BCAR1: variants seen among roughly 807,000 people sequenced by gnomAD.
BCAR1 encodes the protein BCAR1 scaffold protein, Cas family member.
A neutral mutation model predicts 67.6 loss-of-function variants in BCAR1; 30 were observed. The observed-to-expected ratio is 0.44, with a 90% CI of 0.33 to 0.60. The LOEUF (loss-of-function observed/expected upper bound fraction) is 0.60. Among genes scored for constraint, BCAR1 ranks in the 20% least tolerant of loss-of-function variants. BCAR1 has a pLI of 0.02. For synonymous variants in BCAR1, 626 were observed against 556.7 expected (o/e 1.12, Z -1.75); for missense variants, 1,313 against 1,222.3 (o/e 1.07, Z -1.11).
At chr16:75,258,636 A>G (rs1422438978) in intron 1 of BCAR1, among the ~76,000 whole-genome samples, 1 of 152,214 alleles carries the variant, frequency 6.6e-6, no homozygotes, top group Non-Finnish European at 1.5e-5. Context: ...GTGACATTTG[A>G]GCAGATGTGT....
chr16:75,265,624 G>C (rs527669479), intron 1 of BCAR1, among the ~76,000 whole-genome samples: 1 of 152,148 alleles, frequency 6.6e-6, no homozygotes, highest in African/African-American at 2.4e-5. Flanking sequence ...TCTCCTGAAA[G>C]AGGATGGAAA....
chr16:75,229,342 A>G lies in BCAR1; in HGVS notation c.*169T>C. 1 of 1,146,794 alleles carries G rather than the reference A, an allele frequency of 8.7e-7. No individual in the cohort carries two copies. Among genetic ancestry groups the G allele is most frequent in the Non-Finnish European group, 1.2e-6 (1 of 846,712 alleles). 71.0% of individuals were successfully genotyped at this position (1,146,794 alleles called of 1,614,324 possible). Reference sequence around the variant, plus strand: ...GGCTCCTGAGGAGGCATGGCCCCACACCCTGCCCGGCCATAAATATATACA... The same window carrying G: ...GGCTCCTGAGGAGGCATGGCCCCACGCCCTGCCCGGCCATAAATATATACA... On this transcript the variant is annotated 3_prime_UTR_variant, in exon 7 of 7. Coordinates refer to ENST00000162330, the MANE Select transcript of BCAR1 (RefSeq NM_014567.5).
chr16:75,229,278 T>G lies in BCAR1; in HGVS notation c.*233A>C, dbSNP rs2076809583. On this transcript the variant is annotated 3_prime_UTR_variant, in exon 7 of 7. Coordinates refer to ENST00000162330, the MANE Select transcript of BCAR1 (RefSeq NM_014567.5). ...CTGGTGACCCAACCCGGGCCCGTGG[T>G]GCATGCTGGGGAAGGCCACTGGCCG... is the stretch of plus-strand genomic sequence containing the variant. 1.3e-5 allele frequency: 8 copies of G among 615,578 alleles called. No individual in the cohort carries two copies. The highest frequency in any genetic ancestry group is 8.9e-4 in the Middle Eastern group (2 of 2,252). The allele number at this position is 615,578 out of a possible 1,614,324, so 38.1% of individuals were successfully genotyped here.
At chr16:75,255,336 C>G (rs1471907266), upstream of BCAR1, among the ~76,000 whole-genome samples, 1 of 152,112 alleles carries the variant, frequency 6.6e-6, no homozygotes, top group Non-Finnish European at 1.5e-5. Flanking sequence ...CGGAGGTGAG[C>G]ACTGCCAGCC....
chr16:75,255,697 A>C (rs1048464392), upstream of BCAR1, among the ~76,000 whole-genome samples: 1 of 151,468 alleles, frequency 6.6e-6, no homozygotes, highest in Non-Finnish European at 1.5e-5. Flanking sequence ...TCTCAAAAAA[A>C]AAAACAAAAA....
chr16:75,261,704 G>A (rs975100940), intron 1 of BCAR1, among the ~76,000 whole-genome samples: 1 of 152,166 alleles, frequency 6.6e-6, no homozygotes. Flanking sequence ...GGCCATGCCC[G>A]GGCAGGGGAG....
chr16:75,248,444 C>A, intron 1 of BCAR1: 1 of 932,136 alleles, frequency 1.1e-6, no homozygotes, highest in Non-Finnish European at 1.4e-6. Flanking sequence ...TAAGCATGCG[C>A]CCAACTGGCC....
chr16:75,238,689 C>G (rs1405079275), intron 2 of BCAR1: 1 of 985,678 alleles, frequency 1.0e-6, no homozygotes, highest in African/African-American at 1.7e-5. Flanking sequence ...TCCCCGCCCC[C>G]TTCCAGTGCG....
In BCAR1 at chr16:75,235,481, G is replaced by C. The variant is rs772700360; in HGVS notation, c.1418C>G (p.Thr473Ser). ...LARLQQGVSA[T>S]VAHLLDLAGS... ...TGCCAGGTCCAGAAGGTGGGCAACG[G>C]TGGCGCTCACACCCTGCTGCAGCCG... Residue 473 changes from threonine to serine, a missense_variant, in exon 5 of 7, where the codon ACC (threonine) becomes AGC (serine). Around this residue, in one of 2 missense-constraint regions of BCAR1, gnomAD observed 1,272 missense variants for 1,137.5 expected, o/e 1.12. Coordinates refer to ENST00000162330, the MANE Select transcript of BCAR1 (RefSeq NM_014567.5). The C allele has an allele frequency of 2.5e-6, 4 of 1,603,742 alleles. No individual in the cohort carries two copies. In the South Asian group the frequency reaches 3.3e-5, roughly 13 times the overall value.
intron 2 of BCAR1, 44 bp from the exon 3 acceptor site, chr16:75,237,388 C>T: frequency 1.4e-6 from 2 of 1,418,118 alleles, no homozygotes; most frequent in Non-Finnish European, 1.8e-6. Context: ...CAAACCAGCC[C>T]TTAGGGAGGC....
intron 6 of BCAR1, among the ~76,000 whole-genome samples, chr16:75,232,355 T>G (rs1355905540): frequency 1.3e-5 from 2 of 152,102 alleles, no homozygotes; most frequent in Admixed American, 6.5e-5. Flanking sequence ...AGATGGGGTT[T>G]TGCCATGTTG....
At chr16:75,236,656 G>A in intron 4 of BCAR1, 1 of 813,790 alleles carries the variant, frequency 1.2e-6, no homozygotes, top group Non-Finnish European at 1.7e-6. Context: ...CCTCTCAGGA[G>A]CTCATGGAGA....
chr16:75,260,287 T>C (rs945180681), intron 1 of BCAR1, among the ~76,000 whole-genome samples: 8 of 152,184 alleles, frequency 5.3e-5, no homozygotes, highest in Non-Finnish European at 1.2e-4. Flanking sequence ...GCCAGGGTGA[T>C]AGAGACATTT....
intron 1 of BCAR1, chr16:75,247,802 AC>A (rs2077563593): frequency 1.9e-6 from 1 of 534,120 alleles, no homozygotes. Flanking sequence ...GCACCCTTTC[AC>A]CCAGCAAATA....
chr16:75,260,042 A>G (rs2077868459), intron 1 of BCAR1, among the ~76,000 whole-genome samples: 1 of 151,158 alleles, frequency 6.6e-6, no homozygotes, highest in Non-Finnish European at 1.5e-5. Flanking sequence ...AAAAGTACAA[A>G]AATTAGCTGG....
At chr16:75,251,036 T>C in intron 1 of BCAR1, 2 of 950,898 alleles carry the variant, frequency 2.1e-6, no homozygotes, top group Non-Finnish European at 2.5e-6. Context: ...AGCTCCTCCC[T>C]CTCCGGGAGC....
chr16:75,243,216 T>C, intron 1 of BCAR1, 126 bp from the exon 2 acceptor site: 1 of 1,035,096 alleles, frequency 9.7e-7, no homozygotes, highest in Admixed American at 2.8e-5. Context: ...CAGTGGAGTT[T>C]GGCGAGATCA....
intron 1 of BCAR1, chr16:75,266,676 C>T (rs1303280079): frequency 7.7e-7 from 1 of 1,298,596 alleles, no homozygotes; most frequent in South Asian, 2.2e-5. Flanking sequence ...GCTGATGCCC[C>T]GTTACATTTC....
At chr16:75,241,663 G>A (rs2077346673) in intron 2 of BCAR1, among the ~76,000 whole-genome samples, 3 of 152,206 alleles carry the variant, frequency 2.0e-5, no homozygotes, top group Non-Finnish European at 4.4e-5. Context: ...AACGACCTCC[G>A]GCCATGCCTC....
Sources: gnomAD v4.1 joint callset for allele counts (sites outside exome capture counted in the v4.1 genomes callset) on GRCh38, gnomAD v4.1.1 for gene constraint, gnomAD v4.1.1 regional missense constraint, MANE v1.5 for transcripts, NCBI Gene and HGNC (gene_info 2026-07-23, HGNC 2026-07-21) for gene names.